HUS1: variants seen among roughly 807,000 people sequenced by gnomAD.
HUS1 encodes HUS1 checkpoint clamp component.
Under a neutral mutation model 32.6 loss-of-function variants are expected in HUS1, and 31 were observed. That is an observed-to-expected ratio of 0.95 (90% CI 0.72 to 1.28). HUS1 has a LOEUF of 1.28. Ranked by LOEUF, HUS1 falls within the 50% of genes most tolerant of loss-of-function variation. The probability of loss-of-function intolerance (pLI) is 0.00; values close to 1 mark genes in which losing one functional copy is unlikely to be tolerated. For synonymous variants in HUS1, 123 were observed against 116.6 expected, an observed-to-expected ratio of 1.06 and a Z score of -0.36; for missense variants, 340 against 337.7, an observed-to-expected ratio of 1.01 and a Z score of -0.05.
chr7:47,963,725 G>A lies in HUS1; in HGVS notation c.*1631C>T, dbSNP rs1335221846. On this transcript the variant is annotated 3_prime_UTR_variant, in exon 8 of 8. Coordinates refer to ENST00000258774, the MANE Select transcript of HUS1 (RefSeq NM_004507.4). ...GATCGAGACCATCCTGGCCAACACA[G>A]TGAAACTCCGTCTCTACTAAAAATA... 6.6e-6 allele frequency: 1 copy of A among 151,890 alleles called. No individual in the cohort carries two copies. Among genetic ancestry groups the A allele is most frequent in the East Asian group, 1.9e-4 (1 of 5,140 alleles). The allele number at this position is 151,890 out of a possible 1,614,324, so 9.4% of individuals were successfully genotyped here. A position where few individuals can be genotyped will look rare whatever the true frequency, so the allele number is the denominator to read the frequency against.
intron 7 of HUS1, among the ~76,000 whole-genome samples, chr7:47,967,470 G>C (rs1788502069): frequency 6.6e-6 from 1 of 152,170 alleles, no homozygotes; most frequent in South Asian, 2.1e-4. Context: ...GATGACCATG[G>C]AGAAGGTGGG....
rs1788451486 is a variant in HUS1 at position 47,965,129 on chromosome 7, C to T, written c.*227G>A. 3 of 379,970 alleles carry T rather than the reference C, an allele frequency of 7.9e-6. No individual in the cohort carries two copies. The highest frequency in any genetic ancestry group is 1.4e-5 in the Non-Finnish European group (3 of 208,920). 23.5% of individuals were successfully genotyped at this position (379,970 alleles called of 1,614,324 possible). ...ATAAATAAATTCTAGCTTTTCTTTT[C>T]AGTGTCTTAAAAACAAAGCAAAACA... On this transcript the variant is annotated 3_prime_UTR_variant, in exon 8 of 8. Coordinates refer to ENST00000258774, the MANE Select transcript of HUS1 (RefSeq NM_004507.4).
chr7:47,976,304 G>A, intron 4 of HUS1: 1 of 457,298 alleles, frequency 2.2e-6, no homozygotes, highest in South Asian at 1.5e-5. Context: ...GGAGCTCTAG[G>A]GTTAACCATC....
intron 1 of HUS1, 144 bp downstream of exon 1, chr7:47,979,324 T>A (rs1583727562): frequency 6.3e-5 from 6 of 94,962 alleles, no homozygotes; most frequent in Admixed American, 1.2e-4. Flanking sequence ...TCCCGCGGCC[T>A]ACACCAGCAC....
intron 6 of HUS1, 71 bp downstream of exon 6, chr7:47,969,148 G>T: frequency 1.4e-6 from 1 of 724,476 alleles, no homozygotes. Context: ...TACATGAAGA[G>T]ACCTCAACAG....
chr7:47,978,952 A>G (rs1316737913), intron 1 of HUS1, 136 bp from the exon 2 acceptor site: 4 of 843,736 alleles, frequency 4.7e-6, no homozygotes, highest in Non-Finnish European at 5.6e-6. Flanking sequence ...CACACTGGAA[A>G]GTACTTTAAT....
rs746124297 is a variant in HUS1, at chr7:47,978,681, T to C, written c.180+8A>G. On this transcript the variant is annotated splice_region_variant and intron_variant, in intron 2 of 7. Coordinates refer to ENST00000258774, the MANE Select transcript of HUS1 (RefSeq NM_004507.4). ...GAGTGTGCAGGCCTCTCAGAAGCTT[T>C]TGCTCACCTGTTCCAGCTCACACCA... The C allele has an allele frequency of 1.2e-6, 2 of 1,614,090 alleles. No individual in the cohort carries two copies. The highest frequency in any genetic ancestry group is 1.7e-5 in the Admixed American group (1 of 60,014).
Position 47,979,379 on chromosome 7 carries a change from C to T in HUS1, c.52+89G>A, listed in dbSNP as rs1003125882. The T allele has an allele frequency of 3.6e-6, 5 of 1,392,094 alleles. No individual in the cohort carries two copies. In the East Asian group the frequency reaches 1.3e-4, roughly 37 times the overall value. 86.2% of individuals were successfully genotyped at this position (1,392,094 alleles called of 1,614,324 possible). ...TCCCGCGGCCCCTTCCGGCGCCCAT[C>T]CCCGTTCTGATCCTCCTGCGCGGTC... is the stretch of plus-strand genomic sequence containing the variant. On this transcript the variant is annotated intron_variant, in intron 1 of 7. Coordinates refer to ENST00000258774, the MANE Select transcript of HUS1 (RefSeq NM_004507.4).
chr7:47,966,906 T>C (rs1214705235), intron 7 of HUS1, among the ~76,000 whole-genome samples: 1 of 152,220 alleles, frequency 6.6e-6, no homozygotes, highest in African/African-American at 2.4e-5. Flanking sequence ...TCTCCTTCTG[T>C]GCCCATCACT....
At chr7:47,965,608 A>G (rs1383518543) in intron 7 of HUS1, among the ~76,000 whole-genome samples, 170 bp from the exon 8 acceptor site, 1 of 152,226 alleles carries the variant, frequency 6.6e-6, no homozygotes, top group Non-Finnish European at 1.5e-5. Context: ...AGCTGAGGCT[A>G]CATCACGGCC....
chr7:47,966,913 CACTCCAACTGTGTG>C (rs1397437090), intron 7 of HUS1, among the ~76,000 whole-genome samples: 2 of 152,234 alleles, frequency 1.3e-5, no homozygotes. Flanking sequence ...CTGTGCCCAT[CACTCCAACTGTGTG>C]ACACCTTCCC....
chr7:47,976,400 C>A (rs575056587), intron 4 of HUS1: 9 of 466,508 alleles, frequency 1.9e-5, no homozygotes, highest in South Asian at 1.1e-4. Context: ...CGCTCCTGAC[C>A]GGCTGAGGAA....
rs1788753213 is a variant in HUS1, at chr7:47,978,434, TG to T, written c.339del (p.Thr114ArgfsTer16). On this transcript the variant is annotated frameshift_variant, in exon 3 of 8. Coordinates refer to ENST00000258774, the MANE Select transcript of HUS1 (RefSeq NM_004507.4). LOFTEE classifies it high-confidence loss of function. ...IKLTNKHFPC[L>X]TVSVELLSMS... ...CTACTCACCAGCTCCACGGAGACCGTGAGGCAGGGAAAGTGTTTATTAGTCA... is the reference window on the plus strand; with the variant it reads ...CTACTCACCAGCTCCACGGAGACCGTAGGCAGGGAAAGTGTTTATTAGTCA... The T allele has an allele frequency of 1.2e-6, 2 of 1,613,974 alleles. No individual in the cohort carries two copies. Among genetic ancestry groups the T allele is most frequent in the Non-Finnish European group, 1.7e-6 (2 of 1,179,926 alleles).
chr7:47,979,018 C>A, intron 1 of HUS1: 1 of 581,974 alleles, frequency 1.7e-6, no homozygotes, highest in Non-Finnish European at 3.1e-6. Context: ...CAGCACACAT[C>A]ATCAGTGTTC....
intron 7 of HUS1, among the ~76,000 whole-genome samples, chr7:47,967,343 G>A (rs1022645999): frequency 1.1e-4 from 17 of 152,194 alleles, no homozygotes; most frequent in Non-Finnish European, 2.2e-4. Flanking sequence ...GCAGCCAAGG[G>A]ACAGATATGG....
chr7:47,976,911 G>C, intron 3 of HUS1, 74 bp from the exon 4 acceptor site: 2 of 1,003,550 alleles, frequency 2.0e-6, no homozygotes, highest in Non-Finnish European at 3.0e-6. Context: ...CCGAAGACCC[G>C]GGACAAAAAA....
At chr7:47,967,781 A>C (rs1340957471) in intron 7 of HUS1, 25 bp downstream of exon 7, 2 of 1,604,672 alleles carry the variant, frequency 1.2e-6, no homozygotes, top group East Asian at 2.2e-5. Flanking sequence ...AGAATATGAA[A>C]AACAAAACAG....
rs572148521 is a variant in HUS1 at position 47,963,884 on chromosome 7, C to G, written c.*1472G>C. 6.6e-6 allele frequency: 1 copy of G among 150,984 alleles called. No individual in the cohort carries two copies. Among genetic ancestry groups the G allele is most frequent in the East Asian group, 1.9e-4 (1 of 5,150 alleles). 9.4% of individuals were successfully genotyped at this position (150,984 alleles called of 1,614,324 possible). On this transcript the variant is annotated 3_prime_UTR_variant, in exon 8 of 8. Transcript: ENST00000258774. ...TCGCGCCACTAGCACTCCAGACTGG[C>G]GACAGAGTGAGACTCCGTCTCAAAA... is the stretch of plus-strand genomic sequence containing the variant.
intron 3 of HUS1, among the ~76,000 whole-genome samples, chr7:47,977,621 G>C (rs1165798592): frequency 6.6e-6 from 1 of 152,222 alleles, no homozygotes; most frequent in Non-Finnish European, 1.5e-5. Context: ...GCTGGGCGCC[G>C]TGGCTCATGC....
Sources: allele counts gnomAD v4.1 joint callset (sites outside exome capture counted in the v4.1 genomes callset), GRCh38; gene constraint gnomAD v4.1.1; transcripts MANE v1.5; gene names NCBI Gene and HGNC (gene_info 2026-07-23, HGNC 2026-07-21).